The following VWA3B variants were observed in gnomAD, a reference collection of about 807,000 sequenced individuals.
The protein encoded by VWA3B is von Willebrand factor A domain containing 3B, also known as von Willebrand factor A domain-containing protein 3B.
In VWA3B, 138 loss-of-function variants were observed where a neutral mutation model predicts 158.3. The ratio of observed to expected loss-of-function variants is 0.87; its 90% CI spans 0.76 to 1.00. The LOEUF (loss-of-function observed/expected upper bound fraction) is 1.00. VWA3B is among the 50% of genes least tolerant of loss of function. The pLI is 0.00. For synonymous variants in VWA3B, 596 were observed against 587.3 expected (o/e 1.01, Z -0.21); for missense variants, 1,555 against 1,565.1 (o/e 0.99, Z 0.11).
Position 98,093,055 on chromosome 2 carries a change from T to G in VWA3B, c.-32-6T>G. The G allele has an allele frequency of 6.2e-7, 1 of 1,602,308 alleles. No individual in the cohort carries two copies. Among genetic ancestry groups the G allele is most frequent in the Non-Finnish European group, 8.5e-7 (1 of 1,171,694 alleles). On this transcript the variant is annotated splice_region_variant and splice_polypyrimidine_tract_variant and intron_variant, in intron 1 of 27. Coordinates refer to ENST00000477737, the MANE Select transcript of VWA3B (RefSeq NM_144992.5). ...AGGAAGTCTGAGTTTATGATTGCCC[T>G]TACAGGAGTTTGCTGTGACTTAGAT...
intron 8 of VWA3B, among the ~76,000 whole-genome samples, chr2:98,175,237 A>C (rs915460915): frequency 8.5e-5 from 13 of 152,250 alleles, no homozygotes; most frequent in African/African-American, 3.1e-4. Context: ...CCAGACATTG[A>C]CCTTACTAGA....
intron 5 of VWA3B, 48 bp downstream of exon 5, chr2:98,121,506 G>C: frequency 6.3e-7 from 1 of 1,595,602 alleles, no homozygotes; most frequent in Non-Finnish European, 8.6e-7. Flanking sequence ...GTGGCTTCCA[G>C]CTTAACTCTT....
At chr2:98,131,943 G>A (rs532439962) in intron 6 of VWA3B, among the ~76,000 whole-genome samples, 4 of 152,124 alleles carry the variant, frequency 2.6e-5, no homozygotes, top group African/African-American at 4.8e-5. Flanking sequence ...CTGCTCTTAC[G>A]GCACTTTGAA....
intron 8 of VWA3B, among the ~76,000 whole-genome samples, chr2:98,174,890 A>G: frequency 6.6e-6 from 1 of 152,250 alleles, no homozygotes; most frequent in South Asian, 2.1e-4. Flanking sequence ...GGAATAGTCC[A>G]AAAGATTTAA....
At chr2:98,304,670 G>C (rs1271712976) in intron 26 of VWA3B, among the ~76,000 whole-genome samples, 1 of 152,062 alleles carries the variant, frequency 6.6e-6, no homozygotes. Context: ...AGGCTGATCT[G>C]TCCATTGGGC....
intron 21 of VWA3B, among the ~76,000 whole-genome samples, chr2:98,270,472 G>T (rs531481939): frequency 7.3e-4 from 111 of 152,318 alleles, no homozygotes; most frequent in African/African-American, 2.7e-3. Context: ...CACAGAGATG[G>T]TTATTTCTAA....
intron 12 of VWA3B, chr2:98,207,423 G>A (rs1328607384): frequency 4.2e-6 from 2 of 473,682 alleles, no homozygotes; most frequent in East Asian, 1.1e-4. Context: ...AAAAGATTCT[G>A]CATGGCTACA....
At chr2:98,269,905 G>A (rs1688093989) in intron 21 of VWA3B, among the ~76,000 whole-genome samples, 2 of 152,218 alleles carry the variant, frequency 1.3e-5, no homozygotes, top group African/African-American at 4.8e-5. Flanking sequence ...ATTGTGCTGA[G>A]TTTAGACTGT....
intron 22 of VWA3B, among the ~76,000 whole-genome samples, chr2:98,285,073 G>A (rs565151896): frequency 1.3e-5 from 2 of 152,038 alleles, no homozygotes; most frequent in Non-Finnish European, 2.9e-5. Context: ...CCTCATGAAG[G>A]TTACCTATTT....
At position 98,182,907 on chromosome 2, in the gene VWA3B, C is replaced by CAAAAT. The variant is rs552442686; in HGVS notation, c.1311+1710_1311+1714dup. On this transcript the variant is annotated intron_variant, in intron 9 of 27. Coordinates refer to ENST00000477737, the MANE Select transcript of VWA3B (RefSeq NM_144992.5). ...TGGGCGGCAGAGGGAGACTTTGTCT[C>CAAAAT]AAAATAAAATAAAATAAAAAATACA... Among the ~76,000 whole-genome samples, 303 of 152,054 alleles carry CAAAAT rather than the reference C, an allele frequency of 2.0e-3. 1 individual carries two copies. Among genetic ancestry groups the CAAAAT allele is most frequent in the African/African-American group, 7.0e-3 (292 of 41,500 alleles).
intron 2 of VWA3B, among the ~76,000 whole-genome samples, chr2:98,104,018 G>C (rs182380022): frequency 6.6e-6 from 1 of 152,234 alleles, no homozygotes; most frequent in African/African-American, 2.4e-5. Flanking sequence ...TATTAATATA[G>C]CCACTGTAGC....
intron 6 of VWA3B, among the ~76,000 whole-genome samples, chr2:98,129,224 A>AGAGTGTGTGTGTGTGT (rs1370543551): frequency 1.0e-4 from 13 of 124,648 alleles, no homozygotes; most frequent in South Asian, 8.2e-4. Flanking sequence ...AGAGAGAGAG[A>AGAGTGTGTGTGTGTGT]GTGTGTGTGT....
At chr2:98,134,213 G>A (rs796799523) in intron 7 of VWA3B, among the ~76,000 whole-genome samples, 19 of 152,314 alleles carry the variant, frequency 1.2e-4, no homozygotes, top group African/African-American at 4.6e-4. Flanking sequence ...GTCAATGCCG[G>A]AGTTAGTTCT....
intron 8 of VWA3B, among the ~76,000 whole-genome samples, chr2:98,170,320 A>T (rs1679476177): frequency 6.6e-6 from 1 of 152,222 alleles, no homozygotes; most frequent in African/African-American, 2.4e-5. Context: ...AATCATGAAC[A>T]AAGACAGTCC....
intron 3 of VWA3B, 58 bp from the exon 4 acceptor site, chr2:98,119,455 G>T: frequency 6.3e-7 from 1 of 1,577,766 alleles, no homozygotes; most frequent in Non-Finnish European, 8.6e-7. Flanking sequence ...GCAGCACTGT[G>T]GTTCAAATGA....
At chr2:98,099,027 C>A (rs1247951837) in intron 2 of VWA3B, among the ~76,000 whole-genome samples, 1 of 152,030 alleles carries the variant, frequency 6.6e-6, no homozygotes, top group African/African-American at 2.4e-5. Flanking sequence ...TGATTTATAT[C>A]TTTTTCCATT....
intron 22 of VWA3B, among the ~76,000 whole-genome samples, chr2:98,272,747 T>G (rs1688280787): frequency 6.6e-6 from 1 of 152,174 alleles, no homozygotes; most frequent in Non-Finnish European, 1.5e-5. Flanking sequence ...ATATGCCATA[T>G]AAATATATAT....
At chr2:98,116,443 A>T (rs574335180) in intron 3 of VWA3B, among the ~76,000 whole-genome samples, 24 of 152,110 alleles carry the variant, frequency 1.6e-4, no homozygotes, top group African/African-American at 5.1e-4. Context: ...AAGAATGCCA[A>T]TGAGTCATGG....
At chr2:98,108,729 A>G (rs1229096800) in intron 2 of VWA3B, among the ~76,000 whole-genome samples, 1 of 151,842 alleles carries the variant, frequency 6.6e-6, no homozygotes, top group Non-Finnish European at 1.5e-5. Context: ...ACTTATATAT[A>G]TAATTATATT....
Sources: allele counts gnomAD v4.1 joint callset (sites outside exome capture counted in the v4.1 genomes callset), GRCh38; gene constraint gnomAD v4.1.1; transcripts MANE v1.5; gene names NCBI Gene and HGNC (gene_info 2026-07-23, HGNC 2026-07-21).